The following THADA variants were observed in gnomAD, a reference collection of about 807,000 sequenced individuals.
THADA encodes tRNA (32-2'-O)-methyltransferase regulator THADA.
A neutral mutation model predicts 219.8 loss-of-function variants in THADA; 213 were observed. The observed-to-expected ratio is 0.97, with a 90% CI of 0.87 to 1.09. THADA has a LOEUF of 1.09. THADA is among the 50% of genes least tolerant of loss of function. The probability of loss-of-function intolerance (pLI) is 0.00; values close to 1 mark genes in which losing one functional copy is unlikely to be tolerated. For missense variants in THADA, 2,956 were observed against 2,311.3 expected, an observed-to-expected ratio of 1.28 and a Z score of -5.72; for synonymous variants, 1,018 against 828.9, an observed-to-expected ratio of 1.23 and a Z score of -3.92.
At chr2:43,338,738 C>T (rs2104521061) in intron 30 of THADA, among the ~76,000 whole-genome samples, 1 of 152,302 alleles carries the variant, frequency 6.6e-6, no homozygotes, top group Admixed American at 6.5e-5. Context: ...GTATATACCA[C>T]ATTTTGTTTA....
chr2:43,319,038 T>A (rs762634945), intron 31 of THADA, among the ~76,000 whole-genome samples: 2 of 152,246 alleles, frequency 1.3e-5, no homozygotes, highest in Non-Finnish European at 2.9e-5. Flanking sequence ...AACAAATCTC[T>A]TATGGCCAAA....
chr2:43,295,402 A>G (rs1401902203), intron 31 of THADA, among the ~76,000 whole-genome samples: 1 of 152,212 alleles, frequency 6.6e-6, no homozygotes, highest in Non-Finnish European at 1.5e-5. Flanking sequence ...CTTCGGTTTG[A>G]GTCATCCCCC....
rs1335958091 is a variant in THADA, at chr2:43,571,764, G to T, written c.2007C>A (p.Tyr669Ter). 2 of 1,613,768 alleles carry T rather than the reference G, an allele frequency of 1.2e-6. No homozygotes were observed. Among genetic ancestry groups the T allele is most frequent in the Non-Finnish European group, 1.7e-6 (2 of 1,179,836 alleles). ...CTCCTGGAGACTGGCTGTTAAGATT[G>T]TATGTAATAAAGAACTGAATCCACT... Reference protein sequence around the residue: ...EMQWIQFFITYNLNSQSPGVR... With the variant: ...EMQWIQFFIT The change falls in exon 13 of 38, where the codon TAC becomes TAA. Residue 669 changes from tyrosine (Y) to a stop codon, truncating the protein, a stop_gained. Transcript: ENST00000405975. LOFTEE classifies it high-confidence loss of function.
intron 29 of THADA, among the ~76,000 whole-genome samples, chr2:43,354,364 T>C (rs1322031651): frequency 6.6e-6 from 1 of 152,170 alleles, no homozygotes; most frequent in African/African-American, 2.4e-5. Context: ...TTCTCTGTTA[T>C]GAACATTCCA....
At chr2:43,385,927 C>T (rs1226416154) in intron 29 of THADA, among the ~76,000 whole-genome samples, 1 of 151,032 alleles carries the variant, frequency 6.6e-6, no homozygotes, top group Non-Finnish European at 1.5e-5. Flanking sequence ...AAATATGATT[C>T]TCAGGAAGCT....
intron 24 of THADA, among the ~76,000 whole-genome samples, chr2:43,502,745 TA>T (rs1186377530): frequency 1.3e-5 from 2 of 151,820 alleles, no homozygotes; most frequent in Non-Finnish European, 1.5e-5. Flanking sequence ...AATATCTACA[TA>T]ATAATAGAGA....
At chr2:43,443,489 T>C (rs900792284) in intron 26 of THADA, among the ~76,000 whole-genome samples, 1 of 152,124 alleles carries the variant, frequency 6.6e-6, no homozygotes, top group Non-Finnish European at 1.5e-5. Flanking sequence ...GCTAATAAGT[T>C]ACCACTGCAG....
At chr2:43,443,190 G>T (rs60332442) in intron 26 of THADA, among the ~76,000 whole-genome samples, 3,389 of 152,284 alleles carry the variant, frequency 0.022, 51 homozygotes, top group African/African-American at 0.048. Flanking sequence ...ATAATGCCCA[G>T]TTTACAGCTG....
At chr2:43,274,639 G>A (rs991949819) in intron 36 of THADA, among the ~76,000 whole-genome samples, 3 of 152,158 alleles carry the variant, frequency 2.0e-5, no homozygotes, top group Admixed American at 6.5e-5. Flanking sequence ...GTGCTGTCGA[G>A]AAGATGGGAT....
intron 26 of THADA, among the ~76,000 whole-genome samples, chr2:43,464,810 C>T (rs1684043018): frequency 6.6e-6 from 1 of 152,130 alleles, no homozygotes; most frequent in South Asian, 2.1e-4. Flanking sequence ...TCCTGCTTCC[C>T]CCGCAGGACT....
At chr2:43,585,271 G>C (rs1303368060) in intron 7 of THADA, among the ~76,000 whole-genome samples, 1 of 150,998 alleles carries the variant, frequency 6.6e-6, no homozygotes. Context: ...AGCACTTTGG[G>C]AGCCAAGGAG....
chr2:43,420,295 A>C (rs1040081740), intron 28 of THADA, among the ~76,000 whole-genome samples: 1 of 152,242 alleles, frequency 6.6e-6, no homozygotes, highest in Non-Finnish European at 1.5e-5. Context: ...GTTCACAAGC[A>C]TGTATTTTAC....
chr2:43,541,076 T>G, intron 21 of THADA, 83 bp downstream of exon 21: 2 of 1,355,130 alleles, frequency 1.5e-6, no homozygotes, highest in Non-Finnish European at 1.9e-6. Flanking sequence ...TTTTAAACCT[T>G]TTTTTAGAGT....
At chr2:43,503,211 G>T (rs1194203853) in intron 24 of THADA, among the ~76,000 whole-genome samples, 1 of 152,156 alleles carries the variant, frequency 6.6e-6, no homozygotes, top group African/African-American at 2.4e-5. Context: ...CTACTTCTAG[G>T]TATATAACCT....
At chr2:43,439,244 T>G (rs1458212872) in intron 26 of THADA, among the ~76,000 whole-genome samples, 4 of 152,122 alleles carry the variant, frequency 2.6e-5, no homozygotes, top group African/African-American at 9.7e-5. Context: ...CATTAGATAT[T>G]TAGATCTATA....
At chr2:43,566,848 A>T in intron 14 of THADA, 27 bp from the exon 15 acceptor site, 1 of 1,362,948 alleles carries the variant, frequency 7.3e-7, no homozygotes, top group Non-Finnish European at 9.7e-7. Context: ...AAATTACAGT[A>T]AGTATAATTA....
intron 30 of THADA, among the ~76,000 whole-genome samples, chr2:43,342,727 C>T (rs1326845987): frequency 2.0e-5 from 3 of 152,274 alleles, no homozygotes; most frequent in Admixed American, 2.0e-4. Flanking sequence ...TATTTATACA[C>T]GTCTTTCTCA....
intron 35 of THADA, among the ~76,000 whole-genome samples, chr2:43,282,031 A>C (rs745785908): frequency 6.6e-6 from 1 of 152,148 alleles, no homozygotes; most frequent in Non-Finnish European, 1.5e-5. Context: ...CGTCCTCCCA[A>C]AGTGCTAGGA....
chr2:43,516,116 T>C (rs749981137), intron 22 of THADA, among the ~76,000 whole-genome samples: 4 of 152,202 alleles, frequency 2.6e-5, no homozygotes, highest in Non-Finnish European at 5.9e-5. Context: ...CACGTTTTAC[T>C]TCCTCCACCA....
Sources: gnomAD v4.1 joint callset for allele counts (sites outside exome capture counted in the v4.1 genomes callset) on GRCh38, gnomAD v4.1.1 for gene constraint, MANE v1.5 for transcripts, NCBI Gene and HGNC (gene_info 2026-07-23, HGNC 2026-07-21) for gene names.